OGDH: variants seen among roughly 807,000 people sequenced by gnomAD.
The protein encoded by OGDH is oxoglutarate dehydrogenase.
In OGDH, 38 loss-of-function variants were observed where a neutral mutation model predicts 116.6. That is an observed-to-expected ratio of 0.33 (90% CI 0.25 to 0.43). The LOEUF is 0.43. OGDH is among the 20% of genes least tolerant of loss of function. The pLI, the probability that OGDH is intolerant of heterozygous loss-of-function variation, is 1.00. For missense variants in OGDH, 825 were observed against 1,357.2 expected (o/e 0.61, Z 6.16); for synonymous variants, 488 against 533.3 (o/e 0.92, Z 1.17).
intron 19 of OGDH, 58 bp from the exon 20 acceptor site, chr7:44,701,485 C>T (rs949564780): frequency 2.6e-6 from 4 of 1,519,400 alleles, no homozygotes; most frequent in Non-Finnish European, 3.6e-6. Flanking sequence ...TGCTTTTGAC[C>T]TTCCTTCTGG....
In OGDH at chr7:44,675,156, C is replaced by T. The variant is rs777038536; in HGVS notation, c.936-22C>T. On this transcript the variant is annotated intron_variant, in intron 7 of 22. Coordinates refer to ENST00000222673, the MANE Select transcript of OGDH (RefSeq NM_002541.4). ...AACCATGACCTCAGGCTCTGCTCAC[C>T]CTACTCGCCCATACGTTCCAGAGGG... 1.1e-5 allele frequency: 18 copies of T among 1,604,368 alleles called. No individual in the cohort carries two copies. In the Admixed American group the frequency reaches 3.0e-4, roughly 27 times the overall value.
In OGDH at chr7:44,676,002, G is replaced by A; in HGVS notation, c.1059G>A (p.Met353Ile). The change falls in exon 9 of 23, where the codon ATG becomes ATA. Residue 353 changes from methionine to isoleucine, a missense_variant. Physicochemically the swap from Met to Ile is conservative, Grantham distance 10 (BLOSUM62 1). This residue lies in a region of OGDH where 146 missense variants were observed against 317.3 expected (regional missense o/e 0.46). Transcript: ENST00000222673. ...GSGDVKYHLG[M>I]YHRRINRVTD... ...GAGATGTGAAGTACCACCTGGGCAT[G>A]TATCACCGCAGGATCAATCGTGTCA... The A allele has an allele frequency of 6.2e-7, 1 of 1,614,146 alleles. No individual in the cohort carries two copies. Among genetic ancestry groups the A allele is most frequent in the Non-Finnish European group, 8.5e-7 (1 of 1,180,026 alleles).
chr7:44,679,361 C>T (rs959149378), intron 9 of OGDH, among the ~76,000 whole-genome samples: 2 of 152,168 alleles, frequency 1.3e-5, no homozygotes, highest in Non-Finnish European at 2.9e-5. Context: ...AAGGGGGCCC[C>T]GTAAGCAAAC....
chr7:44,626,327 A>ACG (rs1785203407), intron 2 of OGDH, among the ~76,000 whole-genome samples: 1 of 124,284 alleles, frequency 8.0e-6, no homozygotes, highest in African/African-American at 3.0e-5. Flanking sequence ...ACACACACAC[A>ACG]CACACCCCTA....
At chr7:44,702,788 G>A (rs1295108334) in intron 20 of OGDH, among the ~76,000 whole-genome samples, 2 of 152,018 alleles carry the variant, frequency 1.3e-5, no homozygotes, top group Admixed American at 6.6e-5. Flanking sequence ...AGTAGAGACG[G>A]GGTTTCACCG....
chr7:44,701,391 T>C (rs978048458), intron 19 of OGDH, 152 bp from the exon 20 acceptor site: 1 of 653,420 alleles, frequency 1.5e-6, no homozygotes, highest in Non-Finnish European at 2.7e-6. Flanking sequence ...TTTCCCTCCT[T>C]CTCTGCCTCT....
rs774571061 is a variant in OGDH at position 44,694,434 on chromosome 7, G to A, written c.1526G>A (p.Arg509Gln). The stretch of plus-strand genomic sequence containing the variant: ...CACTGCTCTGAGCAGGTGTGTTACC[G>A]GCGCAACGGCCACAACGAGATGGAT... ...KDVVVDLVCY[R>Q]RNGHNEMDEP... Residue 509 changes from arginine to glutamine, a missense_variant, in exon 12 of 23, where the codon CGG becomes CAG. Arg to Gln is a conservative substitution (Grantham distance 43). Transcript: ENST00000222673. This position sits in a 1 kb window ranked among gnomAD's most constrained non-coding sequence, Gnocchi z 4.2. 1.2e-6 allele frequency: 2 copies of A among 1,613,838 alleles called. No individual in the cohort carries two copies. Among genetic ancestry groups the A allele is most frequent in the South Asian group, 1.1e-5 (1 of 91,054 alleles).
At chr7:44,616,754 T>C (rs896264007) in intron 1 of OGDH, among the ~76,000 whole-genome samples, 2 of 146,160 alleles carry the variant, frequency 1.4e-5, no homozygotes, top group African/African-American at 2.5e-5. Context: ...AGTGTATATG[T>C]GTATATATAT....
chr7:44,638,095 A>G (rs1785755524), intron 2 of OGDH, among the ~76,000 whole-genome samples: 1 of 152,146 alleles, frequency 6.6e-6, no homozygotes, highest in Non-Finnish European at 1.5e-5. Flanking sequence ...TATCAGTGAC[A>G]TTGTCATTGG....
At position 44,708,326 on chromosome 7, in the gene OGDH, C is replaced by T; in HGVS notation, c.*327C>T. ...CAATCCTCCCCACCAGTCTCACCCA[C>T]TAGGATAGGAACTGGGCCTTGTGTG... On this transcript the variant is annotated 3_prime_UTR_variant, in exon 23 of 23. Coordinates refer to ENST00000222673, the MANE Select transcript of OGDH (RefSeq NM_002541.4). 3 of 269,712 alleles carry T rather than the reference C, an allele frequency of 1.1e-5. No homozygotes were observed. The South Asian group carries it at 1.6e-4, about 14-fold the overall frequency. The allele number at this position is 269,712 out of a possible 1,614,324, so 16.7% of individuals were successfully genotyped here.
chr7:44,617,177 C>T (rs1036802546), intron 1 of OGDH, among the ~76,000 whole-genome samples: 3 of 151,764 alleles, frequency 2.0e-5, no homozygotes, highest in Non-Finnish European at 4.4e-5. Context: ...AGGTGATCCA[C>T]CCACCTCGAC....
Position 44,694,863 on chromosome 7 carries a change from G to T in OGDH, c.1668+287G>T, listed in dbSNP as rs1014980077. ...TAGGTTTTCTCAGATTTCACAAATT[G>T]TGCATGGTTGAGAGGTGGGTGGTGG... On this transcript the variant is annotated intron_variant, in intron 12 of 22. Transcript: ENST00000222673. The surrounding 1 kb of genome is among the most constrained non-coding windows in gnomAD (Gnocchi z 4.2). 3.3e-5 allele frequency among the ~76,000 whole-genome samples: 5 copies of T among 152,190 alleles called. No homozygotes were observed. The highest frequency in any genetic ancestry group is 7.4e-5 in the Non-Finnish European group (5 of 68,024).
At chr7:44,612,530 T>G (rs905306835) in intron 1 of OGDH, among the ~76,000 whole-genome samples, 17 of 150,898 alleles carry the variant, frequency 1.1e-4, no homozygotes, top group Admixed American at 9.9e-4. Context: ...ACTACAGGCA[T>G]GCACCACCAC....
rs1787946072 is a variant in OGDH, at chr7:44,681,952, ATC to A, written c.1335+106_1335+107del. 20 of 1,455,618 alleles carry A rather than the reference ATC, an allele frequency of 1.4e-5. No individual in the cohort carries two copies. In the South Asian group the frequency reaches 2.3e-4, roughly 17 times the overall value. The allele number at this position is 1,455,618 out of a possible 1,614,324, so 90.2% of individuals were successfully genotyped here. On this transcript the variant is annotated intron_variant, in intron 10 of 22. Coordinates refer to ENST00000222673, the MANE Select transcript of OGDH (RefSeq NM_002541.4). ...CACTGTTTTCTGATTATAAAAATAC[ATC>A]TGTTATTAAAAACCAGGTGCAGTGG...
chr7:44,643,616 A>G (rs1786045773), intron 2 of OGDH, among the ~76,000 whole-genome samples: 1 of 152,184 alleles, frequency 6.6e-6, no homozygotes, highest in African/African-American at 2.4e-5. Context: ...CCAGCATTAT[A>G]AAAGAACCTG....
At chr7:44,618,781 C>A (rs1331998873) in intron 1 of OGDH, among the ~76,000 whole-genome samples, 3 of 152,164 alleles carry the variant, frequency 2.0e-5, no homozygotes, top group Admixed American at 2.0e-4. Context: ...TGTCTTGGAG[C>A]CGGCAATAAA....
intron 1 of OGDH, among the ~76,000 whole-genome samples, chr7:44,619,324 A>G (rs919115202): frequency 6.6e-6 from 1 of 152,204 alleles, no homozygotes; most frequent in African/African-American, 2.4e-5. Flanking sequence ...CATCGGAAGT[A>G]GGAGGCAGCC....
At chr7:44,684,699 GA>G in intron 10 of OGDH, among the ~76,000 whole-genome samples, 1 of 152,200 alleles carries the variant, frequency 6.6e-6, no homozygotes, top group South Asian at 2.1e-4. Context: ...TGCTTTCTTT[GA>G]AAGAATAGTG....
At position 44,686,323 on chromosome 7, in the gene OGDH, C is replaced by T. The variant is rs117856540; in HGVS notation, c.1335+4475C>T. Reference sequence around the variant, plus strand: ...TCCCTTACCATGGCTAGGGGAGTTCCCTTCTGTCTCTAATCTGTGGACAGT... The same window carrying T: ...TCCCTTACCATGGCTAGGGGAGTTCTCTTCTGTCTCTAATCTGTGGACAGT... On this transcript the variant is annotated intron_variant, in intron 10 of 22. Transcript: ENST00000222673. 3.6e-4 allele frequency among the ~76,000 whole-genome samples: 55 copies of T among 152,226 alleles called. 1 individual carries two copies. In the East Asian group the frequency reaches 6.6e-3, roughly 18 times the overall value.
Sources: gnomAD v4.1 joint callset for allele counts (sites outside exome capture counted in the v4.1 genomes callset) on GRCh38, gnomAD v4.1.1 for gene constraint, gnomAD v4.1.1 regional missense constraint, Gnocchi (gnomAD v3.1) non-coding constraint, MANE v1.5 for transcripts, NCBI Gene and HGNC (gene_info 2026-07-23, HGNC 2026-07-21) for gene names.